Variants in RARB observed in about 807,000 individuals in gnomAD.
The protein encoded by RARB is HBV-activated protein.
In RARB, 17 loss-of-function variants were observed where a neutral mutation model predicts 51.9. That is an observed-to-expected ratio of 0.33 (90% CI 0.22 to 0.49). RARB has a LOEUF of 0.49. Among genes scored for constraint, RARB ranks in the 20% least tolerant of loss-of-function variants. RARB has a pLI of 0.99. For missense variants in RARB, 369 were observed against 550.8 expected (o/e 0.67, Z 3.30); for synonymous variants, 215 against 195.4 (o/e 1.10, Z -0.84).
intron 2 of RARB, among the ~76,000 whole-genome samples, chr3:24,905,342 G>C (rs750365535): frequency 6.6e-6 from 1 of 152,140 alleles, no homozygotes; most frequent in South Asian, 2.1e-4. Context: ...TTGACTCATT[G>C]TCTTAAGGCC....
At chr3:25,123,018 A>T (rs1281565011) in intron 3 of RARB, among the ~76,000 whole-genome samples, 1 of 152,174 alleles carries the variant, frequency 6.6e-6, no homozygotes. Flanking sequence ...GTATAACTTC[A>T]TTAAAAACTG....
chr3:25,188,048 A>T (rs1701016666), intron 5 of RARB, among the ~76,000 whole-genome samples: 1 of 152,134 alleles, frequency 6.6e-6, no homozygotes, highest in Non-Finnish European at 1.5e-5. Context: ...TGGGATAAAC[A>T]AGTTACCGAA....
At chr3:25,145,463 A>G (rs370253375) in intron 4 of RARB, among the ~76,000 whole-genome samples, 1 of 151,916 alleles carries the variant, frequency 6.6e-6, no homozygotes. Context: ...TTAGAGCTTC[A>G]GCTTATAGAG....
chr3:25,184,869 G>C (rs1285908811), intron 5 of RARB, among the ~76,000 whole-genome samples: 2 of 151,660 alleles, frequency 1.3e-5, no homozygotes. Context: ...TCCAGCCTGG[G>C]CAGCAAAGCA....
chr3:25,453,650 C>T (rs1424714269), intron 1 of RARB, among the ~76,000 whole-genome samples: 2 of 152,136 alleles, frequency 1.3e-5, no homozygotes, highest in Non-Finnish European at 2.9e-5. Flanking sequence ...ATTCTTTCCC[C>T]CAGCCCTTCC....
At chr3:25,417,993 G>A (rs1707753671) in intron 5 of RARB, among the ~76,000 whole-genome samples, 1 of 149,226 alleles carries the variant, frequency 6.7e-6, no homozygotes, top group Non-Finnish European at 1.5e-5. Context: ...CTCCTCTCTG[G>A]TTTATGTAGA....
chr3:25,041,950 C>T (rs2125295391), intron 2 of RARB, among the ~76,000 whole-genome samples: 1 of 152,158 alleles, frequency 6.6e-6, no homozygotes, highest in Non-Finnish European at 1.5e-5. Context: ...GCAGTTAAAG[C>T]TTGATATCAC....
At chr3:25,156,046 T>G (rs977478042) in intron 4 of RARB, among the ~76,000 whole-genome samples, 11 of 152,226 alleles carry the variant, frequency 7.2e-5, no homozygotes, top group African/African-American at 2.4e-4. Context: ...TGGCAATTTT[T>G]CGACTTGTAT....
intron 3 of RARB, among the ~76,000 whole-genome samples, chr3:25,506,545 G>A (rs1428294927): frequency 4.6e-5 from 7 of 152,040 alleles, no homozygotes; most frequent in Non-Finnish European, 1.5e-5. Context: ...GAGCCTGGGA[G>A]GTTGAGGCTG....
chr3:25,521,160 T>C (rs1698386001), intron 3 of RARB, among the ~76,000 whole-genome samples: 1 of 152,194 alleles, frequency 6.6e-6, no homozygotes. Flanking sequence ...ACCTTTCTCC[T>C]GAAGTCCACA....
At chr3:25,179,811 C>A (rs1419828244) in intron 5 of RARB, among the ~76,000 whole-genome samples, 1 of 152,146 alleles carries the variant, frequency 6.6e-6, no homozygotes, top group Non-Finnish European at 1.5e-5. Flanking sequence ...AAACAAGAAT[C>A]TTTGTGTCTT....
At chr3:25,136,754 G>T (rs975435088) in intron 4 of RARB, among the ~76,000 whole-genome samples, 4 of 152,002 alleles carry the variant, frequency 2.6e-5, no homozygotes, top group African/African-American at 9.7e-5. Context: ...CCAAAGGATG[G>T]GGGGAGAGTT....
intron 2 of RARB, among the ~76,000 whole-genome samples, chr3:24,864,391 A>G (rs1256623200): frequency 2.0e-5 from 3 of 152,106 alleles, no homozygotes; most frequent in South Asian, 2.1e-4. Flanking sequence ...AGGCCTCTGG[A>G]TACTTCCCTG....
At chr3:25,349,671 A>C (rs1484922829) in intron 5 of RARB, among the ~76,000 whole-genome samples, 1 of 152,236 alleles carries the variant, frequency 6.6e-6, no homozygotes, top group African/African-American at 2.4e-5. Context: ...AAACAAAAAA[A>C]AATTTAAACC....
At chr3:24,841,111 G>A (rs1232518579) in intron 1 of RARB, among the ~76,000 whole-genome samples, 2 of 152,172 alleles carry the variant, frequency 1.3e-5, no homozygotes, top group African/African-American at 4.8e-5. Context: ...AGGAGATGCT[G>A]TAAAACACAA....
chr3:25,191,794 G>A (rs1259563430), intron 5 of RARB, among the ~76,000 whole-genome samples: 2 of 152,040 alleles, frequency 1.3e-5, no homozygotes, highest in African/African-American at 2.4e-5. Context: ...AGTGTTACAA[G>A]GCACAGTAGT....
At chr3:24,928,355 AATATAACCC>A (rs1187230877) in intron 2 of RARB, among the ~76,000 whole-genome samples, 1 of 152,012 alleles carries the variant, frequency 6.6e-6, no homozygotes, top group Non-Finnish European at 1.5e-5. Flanking sequence ...CTTACATTAA[AATATAACCC>A]ATCCTGTAAG....
At chr3:25,312,232 T>C (rs1704308201) in intron 5 of RARB, among the ~76,000 whole-genome samples, 1 of 152,182 alleles carries the variant, frequency 6.6e-6, no homozygotes, top group Admixed American at 6.5e-5. Context: ...TTCTGAAAAT[T>C]AAGGTTATCA....
At chr3:25,317,601 A>G (rs1195464829) in intron 5 of RARB, among the ~76,000 whole-genome samples, 1 of 152,168 alleles carries the variant, frequency 6.6e-6, no homozygotes, top group Admixed American at 6.5e-5. Flanking sequence ...CTCACAATCC[A>G]TGACTAAGTG....
Sources: gnomAD v4.1 joint callset for allele counts (sites outside exome capture counted in the v4.1 genomes callset) on GRCh38, gnomAD v4.1.1 for gene constraint, MANE v1.5 for transcripts, NCBI Gene and HGNC (gene_info 2026-07-23, HGNC 2026-07-21) for gene names.